Variants in ANTXR2 observed in about 807,000 individuals in gnomAD.
ANTXR2 encodes the protein anthrax toxin receptor 2.
ANTXR2 carries 44 observed loss-of-function variants against 73.7 expected under a neutral mutation model. The ratio of observed to expected loss-of-function variants is 0.60; its 90% CI spans 0.47 to 0.77. ANTXR2 has a LOEUF of 0.77. Among genes scored for constraint, ANTXR2 ranks in the 30% least tolerant of loss-of-function variants. The probability of loss-of-function intolerance (pLI) is 0.00; values close to 1 mark genes in which losing one functional copy is unlikely to be tolerated. For missense variants in ANTXR2, 604 were observed against 592.5 expected (o/e 1.02, Z -0.20); for synonymous variants, 217 against 205.9 (o/e 1.05, Z -0.46).
chr4:80,071,801 T>C (rs1043988903), intron 1 of ANTXR2, 147 bp from the exon 2 acceptor site: 2 of 636,496 alleles, frequency 3.1e-6, no homozygotes, highest in Non-Finnish European at 2.7e-6. Flanking sequence ...GCTGAAACTT[T>C]GGTGGTACCC....
intron 11 of ANTXR2, among the ~76,000 whole-genome samples, chr4:80,017,265 G>C (rs1308059100): frequency 6.6e-6 from 1 of 152,122 alleles, no homozygotes; most frequent in East Asian, 1.9e-4. Context: ...GTCACCTCAG[G>C]CTTTGCTCTA....
At position 80,062,542 on chromosome 4, in the gene ANTXR2, G is replaced by A. The variant is rs1734310786; in HGVS notation, c.297-6529C>T. ...AAAATCTGAGTTGCTGCCCTGCCTGGACCCCTCAGGTTTAGCACAATGTGT... is the reference window on the plus strand; with the variant it reads ...AAAATCTGAGTTGCTGCCCTGCCTGAACCCCTCAGGTTTAGCACAATGTGT... On this transcript the variant is annotated intron_variant, in intron 3 of 16. Transcript: ENST00000403729. Among the ~76,000 whole-genome samples the A allele has an allele frequency of 2.0e-5, 3 of 152,166 alleles. No homozygotes were observed. In the South Asian group the frequency reaches 6.2e-4, roughly 32 times the overall value.
At chr4:80,064,088 G>GA (rs201776475) in intron 3 of ANTXR2, among the ~76,000 whole-genome samples, 7 of 151,010 alleles carry the variant, frequency 4.6e-5, no homozygotes, top group South Asian at 2.1e-4. Flanking sequence ...TAAGAAATTA[G>GA]AAAAAAAAAT....
rs190291671 is a variant in ANTXR2, at chr4:79,974,421, A to G, written c.1428+3200T>C. ...AGTAAAAACAAATTTTAAAAAAGGCATAAATAGCACAGAGTGGAAAAAGTG... is the reference window on the plus strand; with the variant it reads ...AGTAAAAACAAATTTTAAAAAAGGCGTAAATAGCACAGAGTGGAAAAAGTG... On this transcript the variant is annotated intron_variant, in intron 16 of 16. Transcript: ENST00000403729. Among the ~76,000 whole-genome samples the G allele has an allele frequency of 2.0e-5, 3 of 152,328 alleles. No individual in the cohort carries two copies. In the East Asian group the frequency reaches 5.8e-4, roughly 29 times the overall value.
intron 16 of ANTXR2, among the ~76,000 whole-genome samples, chr4:79,949,505 T>C (rs1300086555): frequency 6.6e-6 from 1 of 152,154 alleles, no homozygotes; most frequent in Non-Finnish European, 1.5e-5. Flanking sequence ...AAAGTACAAA[T>C]GATAAGTATT....
intron 16 of ANTXR2, among the ~76,000 whole-genome samples, chr4:79,959,656 T>G (rs969750552): frequency 6.6e-6 from 1 of 152,242 alleles, no homozygotes; most frequent in Non-Finnish European, 1.5e-5. Context: ...GGCCTCAGTT[T>G]AGATACATCT....
intron 16 of ANTXR2, among the ~76,000 whole-genome samples, chr4:79,959,929 C>T (rs1205475692): frequency 1.3e-5 from 2 of 152,114 alleles, no homozygotes; most frequent in African/African-American, 2.4e-5. Flanking sequence ...GGAAGTCAGA[C>T]AAGGGAGAGA....
intron 16 of ANTXR2, among the ~76,000 whole-genome samples, chr4:79,948,624 A>C (rs1033049318): frequency 2.6e-5 from 4 of 152,276 alleles, no homozygotes; most frequent in Middle Eastern, 3.4e-3. Context: ...CCATTCAATA[A>C]ATATACACCA....
chr4:80,050,011 C>A (rs530021523), intron 7 of ANTXR2, among the ~76,000 whole-genome samples: 5 of 151,672 alleles, frequency 3.3e-5, no homozygotes, highest in Non-Finnish European at 7.4e-5. Flanking sequence ...CCCTCATGAT[C>A]CTTGACCTAG....
At position 79,902,734 on chromosome 4, in the gene ANTXR2, T is replaced by A. The variant is rs796320776; in HGVS notation, c.*4695A>T. The A allele has an allele frequency of 7.2e-5, 11 of 152,082 alleles. No homozygotes were observed. The highest frequency in any genetic ancestry group is 2.4e-4 in the African/African-American group (10 of 41,536). 9.4% of individuals were successfully genotyped at this position (152,082 alleles called of 1,614,324 possible). Reference sequence around the variant, plus strand: ...ATACTATAGTTCAAGGTATTTTTTTTTTTTGCAACTGACAGTTTACAGAAC... The same window carrying A: ...ATACTATAGTTCAAGGTATTTTTTTATTTTGCAACTGACAGTTTACAGAAC... On this transcript the variant is annotated 3_prime_UTR_variant, in exon 17 of 17. Coordinates refer to ENST00000403729, the MANE Select transcript of ANTXR2 (RefSeq NM_058172.6).
At chr4:79,960,032 C>T (rs1479781698) in intron 16 of ANTXR2, among the ~76,000 whole-genome samples, 1 of 152,070 alleles carries the variant, frequency 6.6e-6, no homozygotes, top group African/African-American at 2.4e-5. Flanking sequence ...GATATTTGAA[C>T]GTTTTATTGA....
intron 12 of ANTXR2, among the ~76,000 whole-genome samples, chr4:79,991,085 G>T (rs1167091020): frequency 6.6e-6 from 1 of 151,928 alleles, no homozygotes; most frequent in Non-Finnish European, 1.5e-5. Context: ...GGCAGCAAAA[G>T]AAAAAATAAA....
At chr4:79,961,422 G>C (rs1401869826) in intron 16 of ANTXR2, among the ~76,000 whole-genome samples, 3 of 151,808 alleles carry the variant, frequency 2.0e-5, no homozygotes, top group Non-Finnish European at 4.4e-5. Context: ...CATTTTGAAA[G>C]TATTCTTTTT....
At chr4:80,056,071 ACTT>A in intron 3 of ANTXR2, 58 bp from the exon 4 acceptor site, 2 of 1,220,184 alleles carry the variant, frequency 1.6e-6, no homozygotes, top group Non-Finnish European at 2.2e-6. Flanking sequence ...AACAATAAAC[ACTT>A]CTTAAAAAAC....
intron 16 of ANTXR2, among the ~76,000 whole-genome samples, chr4:79,952,888 ACCT>A (rs1369842553): frequency 6.6e-6 from 1 of 151,918 alleles, no homozygotes; most frequent in Non-Finnish European, 1.5e-5. Flanking sequence ...AATAAAGGAA[ACCT>A]CCTATTTCTT....
chr4:80,016,477 C>A (rs1167223867), intron 11 of ANTXR2, among the ~76,000 whole-genome samples: 1 of 152,182 alleles, frequency 6.6e-6, no homozygotes, highest in Non-Finnish European at 1.5e-5. Flanking sequence ...GCTCTAAGCT[C>A]CTGGAAGCCA....
chr4:80,068,623 T>C lies in ANTXR2; in HGVS notation c.296+813A>G, dbSNP rs1022893976. ...CGTCTCTACTAAAAAAATACAAAAA[T>C]TGGCCAGGTGTGGTGGCATGTGCCT... On this transcript the variant is annotated intron_variant, in intron 3 of 16. Transcript: ENST00000403729. Among the ~76,000 whole-genome samples the C allele has an allele frequency of 3.9e-5, 6 of 151,976 alleles. No homozygotes were observed. In the East Asian group the frequency reaches 1.2e-3, roughly 29 times the overall value.
rs1349659047 is a variant in ANTXR2, at chr4:79,951,491, G to A, written c.1428+26130C>T. 2.6e-5 allele frequency among the ~76,000 whole-genome samples: 4 copies of A among 152,132 alleles called. No individual in the cohort carries two copies. The South Asian group carries it at 6.2e-4, about 24-fold the overall frequency. ...CTCAGGAGGCTGAGGCAGGAGAATT[G>A]CTTGAACCTGGGAGGCGGAGGTTGC... is the stretch of plus-strand genomic sequence containing the variant. On this transcript the variant is annotated intron_variant, in intron 16 of 16. Coordinates refer to ENST00000403729, the MANE Select transcript of ANTXR2 (RefSeq NM_058172.6).
intron 16 of ANTXR2, among the ~76,000 whole-genome samples, chr4:79,955,864 TCTTC>T (rs1395578751): frequency 2.0e-5 from 3 of 152,166 alleles, no homozygotes; most frequent in Non-Finnish European, 4.4e-5. Context: ...CTCTAATTTT[TCTTC>T]CTTCCTATAA....
Sources: gnomAD v4.1 joint callset for allele counts (sites outside exome capture counted in the v4.1 genomes callset) on GRCh38, gnomAD v4.1.1 for gene constraint, MANE v1.5 for transcripts, NCBI Gene and HGNC (gene_info 2026-07-23, HGNC 2026-07-21) for gene names.